GNAO1: variants seen among roughly 807,000 people sequenced by gnomAD.
GNAO1 encodes the protein G protein subunit alpha o1.
For missense variants in GNAO1, 166 were observed against 478.7 expected, an observed-to-expected ratio of 0.35 and a Z score of 6.10; for synonymous variants, 164 against 180.7, an observed-to-expected ratio of 0.91 and a Z score of 0.74.
At chr16:56,201,701 G>T (rs2036283292) in intron 2 of GNAO1, among the ~76,000 whole-genome samples, 1 of 152,220 alleles carries the variant, frequency 6.6e-6, no homozygotes, top group African/African-American at 2.4e-5. Context: ...GAACTTATTT[G>T]TTGATCAGTT....
At chr16:56,314,427 T>C in intron 3 of GNAO1, among the ~76,000 whole-genome samples, 1 of 152,192 alleles carries the variant, frequency 6.6e-6, no homozygotes, top group East Asian at 1.9e-4. Context: ...AACTCAGCCT[T>C]TCCCCAGTAC....
chr16:56,204,318 C>G lies in GNAO1; in HGVS notation c.161+11702C>G, dbSNP rs139365397. 3.6e-4 allele frequency among the ~76,000 whole-genome samples: 55 copies of G among 152,200 alleles called. 1 individual carries two copies. Among genetic ancestry groups the G allele is most frequent in the African/African-American group, 1.3e-3 (54 of 41,530 alleles). ...TGAGTTGTTTGCTTGGGAGGTAGTT[C>G]TGGCATTTAGAAGAGAGATCTGGGC... On this transcript the variant is annotated intron_variant, in intron 2 of 8. Transcript: ENST00000262493.
intron 2 of GNAO1, among the ~76,000 whole-genome samples, chr16:56,236,868 G>T (rs2036642195): frequency 6.6e-6 from 1 of 152,204 alleles, no homozygotes; most frequent in Non-Finnish European, 1.5e-5. Flanking sequence ...AGTTAGAAGT[G>T]CTTTAGCCAA....
intron 5 of GNAO1, 92 bp downstream of exon 5, chr16:56,334,949 C>T (rs917827356): frequency 7.3e-7 from 1 of 1,372,842 alleles, no homozygotes; most frequent in Non-Finnish European, 1.0e-6. Context: ...GCCCAAACAT[C>T]ATCCTGCCCC....
intron 3 of GNAO1, among the ~76,000 whole-genome samples, chr16:56,313,606 G>A (rs532019847): frequency 3.3e-5 from 5 of 152,282 alleles, no homozygotes. Flanking sequence ...CACACGAACA[G>A]GGAAGGAGTA....
chr16:56,299,095 C>T (rs1415595613), intron 3 of GNAO1, among the ~76,000 whole-genome samples: 9 of 152,132 alleles, frequency 5.9e-5, no homozygotes, highest in Non-Finnish European at 1.2e-4. Flanking sequence ...AACCGAGGCT[C>T]AGAAAGGTTG....
At chr16:56,213,208 T>G (rs529916963) in intron 2 of GNAO1, 29 of 398,342 alleles carry the variant, frequency 7.3e-5, no homozygotes, top group African/African-American at 5.9e-4. Flanking sequence ...TTGAAATTAT[T>G]TGGTTAAAAT....
At chr16:56,303,531 G>T (rs2037364357) in intron 3 of GNAO1, among the ~76,000 whole-genome samples, 1 of 152,246 alleles carries the variant, frequency 6.6e-6, no homozygotes, top group Admixed American at 6.5e-5. Context: ...AGGCTGGGAA[G>T]CACCAGAGCA....
Position 56,275,925 on chromosome 16 carries a change from C to G in GNAO1, c.162-6C>G. 1 of 1,611,264 alleles carries G rather than the reference C, an allele frequency of 6.2e-7. No individual in the cohort carries two copies. The highest frequency in any genetic ancestry group is 8.5e-7 in the Non-Finnish European group (1 of 1,178,442). On this transcript the variant is annotated splice_polypyrimidine_tract_variant and splice_region_variant and intron_variant, in intron 2 of 8. Transcript: ENST00000262493. Reference sequence around the variant, plus strand: ...ATCAGGTGTGGTGTGTGTGGTTTTTCTCTAGGATCATCCATGAAGATGGCT... The same window carrying G: ...ATCAGGTGTGGTGTGTGTGGTTTTTGTCTAGGATCATCCATGAAGATGGCT...
chr16:56,345,662 G>C (rs1201058059), intron 6 of GNAO1: 2 of 985,428 alleles, frequency 2.0e-6, no homozygotes, highest in Non-Finnish European at 2.4e-6. Context: ...CTTGCACCAG[G>C]TGCTGGGACG....
intron 2 of GNAO1, among the ~76,000 whole-genome samples, chr16:56,275,329 C>T (rs774350012): frequency 6.6e-6 from 1 of 152,194 alleles, no homozygotes; most frequent in Non-Finnish European, 1.5e-5. Context: ...CCCTTTATGT[C>T]TTCTTTGTCC....
intron 6 of GNAO1, chr16:56,346,561 A>G: frequency 1.0e-6 from 1 of 985,362 alleles, no homozygotes; most frequent in Non-Finnish European, 1.2e-6. Context: ...AGAGGTCCCC[A>G]AGGCTCTCTG....
At chr16:56,259,006 G>C (rs1277633887) in intron 2 of GNAO1, among the ~76,000 whole-genome samples, 4 of 152,216 alleles carry the variant, frequency 2.6e-5, no homozygotes, top group African/African-American at 9.7e-5. Flanking sequence ...GCACACATAC[G>C]CGTGGCTTTA....
chr16:56,319,363 C>G (rs76432324), intron 3 of GNAO1, among the ~76,000 whole-genome samples: 2,093 of 152,218 alleles, frequency 0.014, 47 homozygotes, highest in African/African-American at 0.048. Flanking sequence ...CTGAGAAGCG[C>G]GGAAGAAGGT....
intron 2 of GNAO1, among the ~76,000 whole-genome samples, chr16:56,199,221 A>C (rs1280786262): frequency 6.6e-6 from 1 of 152,250 alleles, no homozygotes; most frequent in Non-Finnish European, 1.5e-5. Flanking sequence ...AGTTAATTGC[A>C]GAATAGCAAC....
intron 2 of GNAO1, among the ~76,000 whole-genome samples, chr16:56,195,732 G>T (rs113966041): frequency 7.9e-5 from 12 of 152,208 alleles, no homozygotes; most frequent in African/African-American, 2.7e-4. Context: ...CAGTCTAATA[G>T]CTCAGCACAT....
chr16:56,249,157 A>C (rs1465863831), intron 2 of GNAO1, among the ~76,000 whole-genome samples: 1 of 152,178 alleles, frequency 6.6e-6, no homozygotes, highest in Admixed American at 6.5e-5. Flanking sequence ...TAGGTGTGAG[A>C]GAAAGAGAGG....
intron 6 of GNAO1, among the ~76,000 whole-genome samples, chr16:56,343,050 A>T (rs960715017): frequency 1.3e-5 from 2 of 151,940 alleles, no homozygotes; most frequent in Non-Finnish European, 2.9e-5. Context: ...GTGAGCTGAG[A>T]TCACACCACT....
chr16:56,273,295 A>C (rs1283231599), intron 2 of GNAO1, among the ~76,000 whole-genome samples: 2 of 152,050 alleles, frequency 1.3e-5, no homozygotes, highest in African/African-American at 4.8e-5. Context: ...CATCTTCTGT[A>C]TGTCTAATCT....
Sources: allele counts gnomAD v4.1 joint callset (sites outside exome capture counted in the v4.1 genomes callset), GRCh38; gene constraint gnomAD v4.1.1; transcripts MANE v1.5; gene names NCBI Gene and HGNC (gene_info 2026-07-23, HGNC 2026-07-21).